Variants in XXYLT1 observed in about 807,000 individuals in gnomAD.
The protein encoded by XXYLT1 is xyloside xylosyltransferase 1, also known as UDP-xylose:alpha-xyloside alpha-1,3-xylosyltransferase.
XXYLT1 carries 20 observed loss-of-function variants against 28.9 expected under a neutral mutation model. The observed-to-expected ratio is 0.69, with a 90% CI of 0.49 to 1.00. The LOEUF (loss-of-function observed/expected upper bound fraction) is 1.00. XXYLT1 is among the 50% of genes least tolerant of loss of function. XXYLT1 has a pLI of 0.00. For missense variants in XXYLT1, 542 were observed against 560.1 expected (o/e 0.97, Z 0.33); for synonymous variants, 257 against 253.8 (o/e 1.01, Z -0.12).
intron 2 of XXYLT1, among the ~76,000 whole-genome samples, chr3:195,222,370 G>A (rs1252573251): frequency 2.0e-5 from 3 of 152,200 alleles, no homozygotes; most frequent in Non-Finnish European, 4.4e-5. Flanking sequence ...GCCTGAGGTG[G>A]CCCATGTGAG....
At chr3:195,228,104 G>C (rs988798924) in intron 1 of XXYLT1, among the ~76,000 whole-genome samples, 1 of 152,294 alleles carries the variant, frequency 6.6e-6, no homozygotes, top group South Asian at 2.1e-4. Context: ...TTCTGCAAGC[G>C]CCACCTCCCG....
At chr3:195,170,819 G>A (rs1298443393) in intron 2 of XXYLT1, among the ~76,000 whole-genome samples, 1 of 152,046 alleles carries the variant, frequency 6.6e-6, no homozygotes, top group Non-Finnish European at 1.5e-5. Context: ...AAGGCAGGAG[G>A]ATCCCTTGAG....
chr3:195,089,468 A>G (rs878863603), intron 3 of XXYLT1, among the ~76,000 whole-genome samples: 18 of 152,130 alleles, frequency 1.2e-4, no homozygotes, highest in East Asian at 7.7e-4. Context: ...TTACAGACAA[A>G]CAAATGCTGA....
At chr3:195,236,135 A>G (rs1724537202) in intron 1 of XXYLT1, among the ~76,000 whole-genome samples, 1 of 152,128 alleles carries the variant, frequency 6.6e-6, no homozygotes, top group African/African-American at 2.4e-5. Context: ...GGGCCCTACA[A>G]TTAGCAGGTG....
At chr3:195,090,359 C>A (rs1716062313) in intron 3 of XXYLT1, among the ~76,000 whole-genome samples, 1 of 151,436 alleles carries the variant, frequency 6.6e-6, no homozygotes, top group African/African-American at 2.4e-5. Context: ...AACTAGAACT[C>A]AGGATTAAGA....
Position 195,271,120 on chromosome 3 carries a change from C to T in XXYLT1, c.-62G>A, listed in dbSNP as rs1355293219. The T allele has an allele frequency of 2.4e-6, 3 of 1,274,002 alleles. No individual in the cohort carries two copies. Among genetic ancestry groups the T allele is most frequent in the African/African-American group, 3.1e-5 (2 of 64,004 alleles). The allele number at this position is 1,274,002 out of a possible 1,614,324, so 78.9% of individuals were successfully genotyped here. A position where few individuals can be genotyped will look rare whatever the true frequency, so the allele number is the denominator to read the frequency against. On this transcript the variant is annotated 5_prime_UTR_variant, in exon 1 of 4. Coordinates refer to ENST00000310380, the MANE Select transcript of XXYLT1 (RefSeq NM_152531.5). The stretch of plus-strand genomic sequence containing the variant: ...GCGGGAGAGCCCTCGGGTACCCGGA[C>T]GCCGGCGGCCACTTAGCCCCGGCGC...
chr3:195,149,835 A>G (rs1477414850), intron 3 of XXYLT1, among the ~76,000 whole-genome samples: 2 of 152,242 alleles, frequency 1.3e-5, no homozygotes, highest in Non-Finnish European at 2.9e-5. Flanking sequence ...TAATAAATGT[A>G]TGATGGTAAT....
intron 3 of XXYLT1, among the ~76,000 whole-genome samples, chr3:195,121,294 G>A (rs1445039818): frequency 2.6e-5 from 4 of 152,196 alleles, no homozygotes; most frequent in South Asian, 2.1e-4. Context: ...CTGCCCCAGC[G>A]TGTGATTCAA....
intron 1 of XXYLT1, among the ~76,000 whole-genome samples, chr3:195,230,123 CTGA>C (rs1724236446): frequency 6.6e-6 from 1 of 152,190 alleles, no homozygotes; most frequent in Non-Finnish European, 1.5e-5. Flanking sequence ...TTGCATTTTT[CTGA>C]TGATCAATGA....
intron 2 of XXYLT1, among the ~76,000 whole-genome samples, chr3:195,186,570 G>C (rs1426688760): frequency 6.6e-6 from 1 of 151,938 alleles, no homozygotes; most frequent in Non-Finnish European, 1.5e-5. Context: ...CCACCCACTT[G>C]TCTCACCTTA....
rs749751483 is a variant in XXYLT1, at chr3:195,069,923, C to T, written c.974G>A (p.Arg325His). ...VQQLADKYHF[R>H]GHLGDQDFFT... Reference sequence around the variant, plus strand: ...GAAGTCCTGGTCCCCGAGGTGGCCGCGGAAGTGGTACTTGTCGGCCAGCTG... The same window carrying T: ...GAAGTCCTGGTCCCCGAGGTGGCCGTGGAAGTGGTACTTGTCGGCCAGCTG... Residue 325 changes from arginine to histidine, a missense_variant, in exon 4 of 4, where the codon CGC becomes CAC. By Grantham distance (29) the Arg-to-His change is conservative. Coordinates refer to ENST00000310380, the MANE Select transcript of XXYLT1 (RefSeq NM_152531.5). 6.8e-6 allele frequency: 11 copies of T among 1,613,562 alleles called. No homozygotes were observed. Among genetic ancestry groups the T allele is most frequent in the Admixed American group, 3.3e-5 (2 of 60,010 alleles).
intron 3 of XXYLT1, among the ~76,000 whole-genome samples, chr3:195,121,664 G>A (rs1718367093): frequency 6.6e-6 from 1 of 152,190 alleles, no homozygotes; most frequent in Admixed American, 6.5e-5. Context: ...AGACATGCTG[G>A]TCCTATTCTG....
At chr3:195,082,081 T>C (rs764869646) in intron 3 of XXYLT1, among the ~76,000 whole-genome samples, 4 of 152,096 alleles carry the variant, frequency 2.6e-5, no homozygotes, top group Non-Finnish European at 4.4e-5. Flanking sequence ...CTGTTGTTGT[T>C]ACTTGCTTTT....
intron 2 of XXYLT1, among the ~76,000 whole-genome samples, chr3:195,193,290 A>G (rs1344344150): frequency 6.6e-6 from 1 of 151,894 alleles, no homozygotes; most frequent in East Asian, 1.9e-4. Context: ...TCCGTCTAAA[A>G]AAAAAAAAAA....
Position 195,265,787 on chromosome 3 carries a change from G to A in XXYLT1, c.504+4768C>T, listed in dbSNP as rs564305830. ...AGCCCCGGCAGCCATCCTGGACCAC[G>A]AAGACAGCGCCACCCTCAGGGATGG... On this transcript the variant is annotated intron_variant, in intron 1 of 3. Transcript: ENST00000310380. Among the ~76,000 whole-genome samples, 381 of 152,300 alleles carry A rather than the reference G, an allele frequency of 2.5e-3. 1 individual carries two copies. The highest frequency in any genetic ancestry group is 6.8e-3 in the Middle Eastern group (2 of 294).
At chr3:195,100,431 C>A (rs1296343652) in intron 3 of XXYLT1, among the ~76,000 whole-genome samples, 1 of 152,166 alleles carries the variant, frequency 6.6e-6, no homozygotes, top group Non-Finnish European at 1.5e-5. Context: ...CACAGCGCCT[C>A]CCCCAGAAGG....
chr3:195,258,283 G>A (rs1042815953), intron 1 of XXYLT1, among the ~76,000 whole-genome samples: 1 of 152,196 alleles, frequency 6.6e-6, no homozygotes, highest in Non-Finnish European at 1.5e-5. Flanking sequence ...GGCTCTGGGA[G>A]TATGTGGGGC....
chr3:195,151,805 G>C (rs916659066), intron 3 of XXYLT1, among the ~76,000 whole-genome samples: 1 of 151,796 alleles, frequency 6.6e-6, no homozygotes, highest in African/African-American at 2.4e-5. Context: ...ATATGCCTGG[G>C]GGAGGGATTG....
intron 3 of XXYLT1, among the ~76,000 whole-genome samples, chr3:195,128,218 C>G (rs1718732925): frequency 6.6e-6 from 1 of 152,146 alleles, no homozygotes; most frequent in South Asian, 2.1e-4. Flanking sequence ...GTACAGCCCC[C>G]CAGGGAGGCA....
Sources: allele counts gnomAD v4.1 joint callset (sites outside exome capture counted in the v4.1 genomes callset), GRCh38; gene constraint gnomAD v4.1.1; transcripts MANE v1.5; gene names NCBI Gene and HGNC (gene_info 2026-07-23, HGNC 2026-07-21).